Variants in RDH12 observed in about 807,000 individuals in gnomAD.
The protein encoded by RDH12 is retinol dehydrogenase 12.
A neutral mutation model predicts 34.0 loss-of-function variants in RDH12; 21 were observed. That is an observed-to-expected ratio of 0.62 (90% confidence interval 0.44 to 0.89). The LOEUF (loss-of-function observed/expected upper bound fraction) is 0.89, where lower values mean the gene tolerates loss of function less well. Ranked by LOEUF, RDH12 falls within the 40% of genes least tolerant of loss-of-function variation. RDH12 has a pLI of 0.00. For missense variants in RDH12, 394 were observed against 398.6 expected (o/e 0.99, Z 0.10); for synonymous variants, 198 against 169.9 (o/e 1.17, Z -1.29).
At chr14:67,733,638 C>A (rs566970190) in intron 8 of RDH12, 108 bp from the exon 9 acceptor site, 5 of 739,394 alleles carry the variant, frequency 6.8e-6, no homozygotes, top group African/African-American at 5.3e-5. Flanking sequence ...TTGAGTCTGG[C>A]ATATATTGTA....
rs138639208 is a variant in RDH12 at position 67,730,884 on chromosome 14, G to A, written c.848+1504G>A. ...CTCCTAAAGTGCTGGGATTACAGGC[G>A]TGAGCCACCGCGCCCAGCCCCAAGC... On this transcript the variant is annotated intron_variant, in intron 8 of 8. Transcript: ENST00000551171. Among the ~76,000 whole-genome samples the A allele has an allele frequency of 8.6e-3, 1,310 of 152,234 alleles. 11 individuals carry two copies. Among genetic ancestry groups the A allele is most frequent in the Non-Finnish European group, 0.014 (963 of 68,008 alleles).
chr14:67,729,343 G>T lies in RDH12; in HGVS notation c.811G>T (p.Ala271Ser). ...GAQTSLHCALAEGLEPLSGKY... is the reference protein window; with the variant it reads ...GAQTSLHCALSEGLEPLSGKY... ...GCAGACCAGCCTGCACTGCGCCCTG[G>T]CTGAGGGCCTGGAGCCCCTGAGTGG... The change falls in exon 8 of 9, where the codon GCT becomes TCT. Residue 271 changes from alanine to serine, a missense_variant. Ala to Ser is a moderately conservative substitution (Grantham distance 99). Coordinates refer to ENST00000551171, the MANE Select transcript of RDH12 (RefSeq NM_152443.3). The T allele has an allele frequency of 6.3e-7, 1 of 1,598,758 alleles. No homozygotes were observed.
At chr14:67,711,285 C>T (rs189743701) in intron 1 of RDH12, among the ~76,000 whole-genome samples, 5 of 152,282 alleles carry the variant, frequency 3.3e-5, no homozygotes, top group Admixed American at 3.3e-4. Flanking sequence ...TTTCTAATCC[C>T]TATGCCAAAT....
intron 8 of RDH12, among the ~76,000 whole-genome samples, chr14:67,732,536 CAA>C (rs11408156): frequency 6.1e-5 from 8 of 130,100 alleles, no homozygotes; most frequent in Admixed American, 7.8e-5. Context: ...CCAAACAAAG[CAA>C]AAAAAAAAAA....
intron 1 of RDH12, among the ~76,000 whole-genome samples, chr14:67,716,984 A>G (rs2038076024): frequency 6.6e-6 from 1 of 152,234 alleles, no homozygotes; most frequent in Admixed American, 6.5e-5. Flanking sequence ...ATATAAAACA[A>G]ATATAGTGAA....
chr14:67,704,831 G>A (rs1402451640), intron 1 of RDH12, among the ~76,000 whole-genome samples: 2 of 152,160 alleles, frequency 1.3e-5, no homozygotes, highest in Admixed American at 6.5e-5. Flanking sequence ...TAGCCAAGGA[G>A]GAAACCAGCT....
In RDH12 at chr14:67,734,052, A is replaced by G. The variant is rs1280989587; in HGVS notation, c.*204A>G. On this transcript the variant is annotated 3_prime_UTR_variant, in exon 9 of 9. Coordinates refer to ENST00000551171, the MANE Select transcript of RDH12 (RefSeq NM_152443.3). ...CTTATGGCATGAGTTGTGGACACCT[A>G]TAGAGTGTTCTTCTCTAAGACCTGG... 4.2e-6 allele frequency: 2 copies of G among 472,450 alleles called. No individual in the cohort carries two copies. Among genetic ancestry groups the G allele is most frequent in the Admixed American group, 5.6e-5 (2 of 35,690 alleles). The allele number at this position is 472,450 out of a possible 1,614,324, so 29.3% of individuals were successfully genotyped here.
At chr14:67,707,351 T>C (rs959239521) in intron 1 of RDH12, among the ~76,000 whole-genome samples, 2 of 152,210 alleles carry the variant, frequency 1.3e-5, no homozygotes, top group Admixed American at 6.5e-5. Context: ...AGTTTCCCAT[T>C]TTTACTAAAG....
intron 2 of RDH12, among the ~76,000 whole-genome samples, chr14:67,721,162 C>T (rs1055212212): frequency 2.0e-5 from 3 of 152,166 alleles, no homozygotes; most frequent in African/African-American, 7.2e-5. Context: ...CCTGGAGGCT[C>T]CTCTGGCTTC....
chr14:67,720,261 A>G (rs768472424), intron 1 of RDH12, among the ~76,000 whole-genome samples: 3 of 152,032 alleles, frequency 2.0e-5, no homozygotes, highest in Admixed American at 6.6e-5. Context: ...GATTTGTAAG[A>G]GTTCTTTATC....
At chr14:67,722,362 C>T (rs2038133641) in intron 2 of RDH12, 62 bp from the exon 3 acceptor site, 1 of 538,578 alleles carries the variant, frequency 1.9e-6, no homozygotes, top group East Asian at 3.3e-5. Flanking sequence ...AGTTTCCCCA[C>T]ATTCTCTTTG....
intron 1 of RDH12, among the ~76,000 whole-genome samples, chr14:67,705,060 A>G (rs918868575): frequency 6.6e-6 from 1 of 152,236 alleles, no homozygotes; most frequent in Non-Finnish European, 1.5e-5. Flanking sequence ...GTTGAGGCAG[A>G]AATAAATTGA....
chr14:67,723,158 C>T (rs1220591955), intron 3 of RDH12, among the ~76,000 whole-genome samples: 2 of 152,170 alleles, frequency 1.3e-5, no homozygotes, highest in African/African-American at 4.8e-5. Flanking sequence ...TGAGACTACC[C>T]TCAATTAATG....
intron 1 of RDH12, among the ~76,000 whole-genome samples, chr14:67,713,818 C>T (rs1045725000): frequency 1.3e-5 from 2 of 152,146 alleles, no homozygotes; most frequent in Non-Finnish European, 2.9e-5. Flanking sequence ...GTAAAATGAA[C>T]ATCGGTTTGG....
At chr14:67,725,329 G>A in intron 5 of RDH12, 75 bp downstream of exon 5, 4 of 1,467,528 alleles carry the variant, frequency 2.7e-6, no homozygotes, top group African/African-American at 1.4e-5. Context: ...GACCATCTAT[G>A]GCCCTTACAT....
At chr14:67,712,367 G>GT (rs1302659989) in intron 1 of RDH12, among the ~76,000 whole-genome samples, 1 of 151,722 alleles carries the variant, frequency 6.6e-6, no homozygotes, top group African/African-American at 2.4e-5. Flanking sequence ...GTTGTTTTTT[G>GT]TTTTTTAATA....
chr14:67,733,055 G>T (rs534981532), intron 8 of RDH12, among the ~76,000 whole-genome samples: 34 of 151,932 alleles, frequency 2.2e-4, no homozygotes, highest in Non-Finnish European at 4.4e-4. Flanking sequence ...ACACCAACAT[G>T]GCACATGTAT....
chr14:67,725,321 C>T, intron 5 of RDH12, 67 bp downstream of exon 5: 1 of 1,495,444 alleles, frequency 6.7e-7, no homozygotes, highest in East Asian at 2.3e-5. Context: ...CCACCCTAGA[C>T]CATCTATGGC....
chr14:67,708,257 A>T (rs1381914265), intron 1 of RDH12, among the ~76,000 whole-genome samples: 1 of 152,224 alleles, frequency 6.6e-6, no homozygotes, highest in African/African-American at 2.4e-5. Flanking sequence ...TTAAGCAAAA[A>T]GTTAAAAATA....
Sources: gnomAD v4.1 joint callset for allele counts (sites outside exome capture counted in the v4.1 genomes callset) on GRCh38, gnomAD v4.1.1 for gene constraint, MANE v1.5 for transcripts, NCBI Gene and HGNC (gene_info 2026-07-23, HGNC 2026-07-21) for gene names.